Variants in RBFOX1 observed in about 807,000 individuals in gnomAD.
RBFOX1 encodes the protein RNA binding fox-1 homolog 1.
In RBFOX1, 8 loss-of-function variants were observed where a neutral mutation model predicts 57.7. That is an observed-to-expected ratio of 0.14 (90% CI 0.08 to 0.25). The LOEUF (loss-of-function observed/expected upper bound fraction) is 0.25, where lower values mean the gene tolerates loss of function less well. RBFOX1 is among the 10% of genes least tolerant of loss of function. The pLI is 1.00. For synonymous variants in RBFOX1, 326 were observed against 222.4 expected (o/e 1.47, Z -4.15); for missense variants, 611 against 548.5 (o/e 1.11, Z -1.14).
chr16:7,623,718 T>C (rs1386799977), intron 10 of RBFOX1, among the ~76,000 whole-genome samples: 1 of 152,166 alleles, frequency 6.6e-6, no homozygotes, highest in Non-Finnish European at 1.5e-5. Flanking sequence ...ATTTATTTTC[T>C]CATAATTCTG....
intron 1 of RBFOX1, among the ~76,000 whole-genome samples, chr16:6,241,657 C>T (rs550782566): frequency 1.3e-5 from 2 of 152,260 alleles, no homozygotes; most frequent in East Asian, 3.9e-4. Flanking sequence ...GTGGCCATTA[C>T]ATTAAGTAAT....
intron 4 of RBFOX1, among the ~76,000 whole-genome samples, chr16:7,221,180 G>A (rs1027477787): frequency 6.6e-6 from 1 of 152,026 alleles, no homozygotes; most frequent in Non-Finnish European, 1.5e-5. Flanking sequence ...TTTAGAGAGT[G>A]TGAATTAAAA....
chr16:7,054,911 G>A (rs1303088556), intron 4 of RBFOX1, among the ~76,000 whole-genome samples: 2 of 152,156 alleles, frequency 1.3e-5, no homozygotes, highest in African/African-American at 4.8e-5. Flanking sequence ...AATAGCAGAT[G>A]ATTTAGAAAG....
intron 3 of RBFOX1, among the ~76,000 whole-genome samples, chr16:6,917,239 G>GCT (rs2073400975): frequency 6.6e-6 from 1 of 152,098 alleles, no homozygotes; most frequent in Non-Finnish European, 1.5e-5. Context: ...CTTGGTCCCC[G>GCT]CTCTCACTGC....
intron 3 of RBFOX1, among the ~76,000 whole-genome samples, chr16:6,914,121 G>C (rs1317364994): frequency 1.3e-5 from 2 of 152,166 alleles, no homozygotes; most frequent in African/African-American, 4.8e-5. Flanking sequence ...TGATACCTCT[G>C]CATGCTGCTG....
intron 3 of RBFOX1, among the ~76,000 whole-genome samples, chr16:5,632,988 G>T (rs1386899273): frequency 6.8e-6 from 1 of 147,090 alleles, no homozygotes; most frequent in African/African-American, 2.5e-5. Flanking sequence ...ACCTGGGCTG[G>T]AATGCAGTGT....
At chr16:5,972,190 TACACACACATAAGC>T (rs1037075311) in intron 4 of RBFOX1, among the ~76,000 whole-genome samples, 3 of 152,210 alleles carry the variant, frequency 2.0e-5, no homozygotes, top group African/African-American at 7.2e-5. Context: ...GATAAGTAAA[TACACACACATAAGC>T]ACACACACAC....
At chr16:5,817,912 G>T (rs1046602511) in intron 3 of RBFOX1, among the ~76,000 whole-genome samples, 5 of 151,890 alleles carry the variant, frequency 3.3e-5, no homozygotes, top group Admixed American at 6.6e-5. Flanking sequence ...GGATGGTCTC[G>T]ATCTCCTGAC....
chr16:6,660,879 A>G (rs1025943310), intron 3 of RBFOX1, among the ~76,000 whole-genome samples: 12 of 152,176 alleles, frequency 7.9e-5, no homozygotes, highest in East Asian at 3.9e-4. Context: ...TATGCAACCA[A>G]TGGGACCTAG....
intron 3 of RBFOX1, among the ~76,000 whole-genome samples, chr16:6,949,383 A>G (rs961113721): frequency 4.6e-5 from 7 of 152,150 alleles, no homozygotes; most frequent in Non-Finnish European, 8.8e-5. Flanking sequence ...GGTTTTACTC[A>G]TTCCATGGTG....
chr16:5,979,604 C>G (rs1220600831), intron 4 of RBFOX1, among the ~76,000 whole-genome samples: 2 of 152,196 alleles, frequency 1.3e-5, no homozygotes, highest in Non-Finnish European at 2.9e-5. Flanking sequence ...TGGCTCACGC[C>G]TCTAATCTCA....
chr16:5,336,598 G>C (rs879764665), intron 1 of RBFOX1, among the ~76,000 whole-genome samples: 6 of 152,340 alleles, frequency 3.9e-5, no homozygotes, highest in African/African-American at 1.4e-4. Flanking sequence ...AGGGGCAGGA[G>C]AACCTCTTGG....
intron 1 of RBFOX1, among the ~76,000 whole-genome samples, chr16:6,316,147 C>G (rs2081093165): frequency 1.3e-5 from 2 of 152,164 alleles, no homozygotes; most frequent in South Asian, 4.1e-4. Context: ...ACTTAAGTTT[C>G]TCCCCAGAGA....
chr16:7,237,200 C>G (rs1259684062), intron 4 of RBFOX1, among the ~76,000 whole-genome samples: 2 of 152,170 alleles, frequency 1.3e-5, no homozygotes, highest in Non-Finnish European at 2.9e-5. Context: ...ACTTCCCTTG[C>G]CTGGCATCTG....
chr16:5,422,223 G>GGA (rs1479824554), intron 1 of RBFOX1, among the ~76,000 whole-genome samples: 8 of 149,484 alleles, frequency 5.4e-5, no homozygotes, highest in African/African-American at 2.0e-4. Context: ...GGAGAGAGGA[G>GGA]GGAGAGGGAG....
chr16:6,580,934 T>C (rs1188677404), intron 2 of RBFOX1, among the ~76,000 whole-genome samples: 3 of 151,854 alleles, frequency 2.0e-5, no homozygotes, highest in African/African-American at 7.3e-5. Flanking sequence ...TGCCCTTTTT[T>C]TCCCCCAAAA....
chr16:7,513,410 A>C (rs2075652122), intron 4 of RBFOX1, among the ~76,000 whole-genome samples: 1 of 152,198 alleles, frequency 6.6e-6, no homozygotes, highest in South Asian at 2.1e-4. Context: ...TCGAATAATT[A>C]TTTCCCAGCT....
chr16:6,839,872 T>TC (rs753501252), intron 3 of RBFOX1, among the ~76,000 whole-genome samples: 4 of 152,196 alleles, frequency 2.6e-5, no homozygotes, highest in Non-Finnish European at 4.4e-5. Context: ...GGGTATCTTT[T>TC]CCCCTCCCAT....
At chr16:7,602,415 C>T (rs1183271235) in intron 9 of RBFOX1, among the ~76,000 whole-genome samples, 1 of 152,248 alleles carries the variant, frequency 6.6e-6, no homozygotes, top group Admixed American at 6.5e-5. Flanking sequence ...GACCAGTGGG[C>T]CTTATCAGCC....
Sources: allele counts gnomAD v4.1 joint callset (sites outside exome capture counted in the v4.1 genomes callset), GRCh38; gene constraint gnomAD v4.1.1; transcripts MANE v1.5; gene names NCBI Gene and HGNC (gene_info 2026-07-23, HGNC 2026-07-21).